The following RORA variants were observed in gnomAD, a reference collection of about 807,000 sequenced individuals.
RORA encodes RAR related orphan receptor A, also known as nuclear receptor ROR-alpha.
In RORA, 7 loss-of-function variants were observed where a neutral mutation model predicts 69.5. The ratio of observed to expected loss-of-function variants is 0.10; its 90% confidence interval spans 0.06 to 0.19. RORA has a LOEUF of 0.19. Among genes scored for constraint, RORA ranks in the 10% least tolerant of loss-of-function variants. The probability of loss-of-function intolerance (pLI) is 1.00; values close to 1 mark genes in which losing one functional copy is unlikely to be tolerated. For synonymous variants in RORA, 261 were observed against 240.8 expected (o/e 1.08, Z -0.78); for missense variants, 457 against 663.0 (o/e 0.69, Z 3.41).
intron 1 of RORA, among the ~76,000 whole-genome samples, chr15:60,810,789 T>C (rs186228070): frequency 5.5e-4 from 84 of 152,150 alleles, no homozygotes; most frequent in African/African-American, 2.0e-3. Flanking sequence ...TCTCACATTA[T>C]ATGCTTTCCT....
At chr15:60,751,115 C>T (rs2071717227) in intron 1 of RORA, among the ~76,000 whole-genome samples, 1 of 152,188 alleles carries the variant, frequency 6.6e-6, no homozygotes, top group Non-Finnish European at 1.5e-5. Flanking sequence ...AGCCCACAGT[C>T]AGAGGCCCTA....
At chr15:61,118,423 A>G (rs2079069489) in intron 1 of RORA, among the ~76,000 whole-genome samples, 1 of 152,220 alleles carries the variant, frequency 6.6e-6, no homozygotes, top group Non-Finnish European at 1.5e-5. Context: ...GTTCTTTTGC[A>G]TCTCTGGTTA....
Position 60,683,647 on chromosome 15 carries a change from T to TACACACACACACACACACAC in RORA, c.167-4981_167-4962dup, listed in dbSNP as rs59854874. Among the ~76,000 whole-genome samples the TACACACACACACACACACAC allele has an allele frequency of 1.7e-3, 260 of 148,724 alleles. 4 individuals carry two copies. The East Asian group carries it at 0.03, about 17-fold the overall frequency. ...TCCTTCTATTTTACCCAGATACACA[T>TACACACACACACACACACAC]ACACACACACACACACACACACACA... is the stretch of plus-strand genomic sequence containing the variant. On this transcript the variant is annotated intron_variant, in intron 1 of 10. Coordinates refer to ENST00000335670, the MANE Select transcript of RORA (RefSeq NM_134261.3).
chr15:61,068,833 C>A (rs1490004995), intron 1 of RORA, among the ~76,000 whole-genome samples: 2 of 152,184 alleles, frequency 1.3e-5, no homozygotes, highest in Non-Finnish European at 2.9e-5. Context: ...AAAACCATTT[C>A]TCCACTCAGT....
rs572695675 is a variant in RORA at position 61,077,358 on chromosome 15, T to C, written c.166+151695A>G. 1.4e-4 allele frequency among the ~76,000 whole-genome samples: 22 copies of C among 152,300 alleles called. 1 individual carries two copies. The South Asian group carries it at 4.1e-3, about 29-fold the overall frequency. On this transcript the variant is annotated intron_variant, in intron 1 of 10. Coordinates refer to ENST00000335670, the MANE Select transcript of RORA (RefSeq NM_134261.3). ...ATGAAGAAGACATGTTTAGGGGAAC[T>C]GAAGAATTGTGGATTCAGTCATTTG...
chr15:61,159,490 G>A (rs2079475550), intron 1 of RORA, among the ~76,000 whole-genome samples: 1 of 152,104 alleles, frequency 6.6e-6, no homozygotes, highest in Non-Finnish European at 1.5e-5. Flanking sequence ...ACAAATACCT[G>A]ATCTGAATTC....
At chr15:60,578,355 G>A (rs549078698) in intron 2 of RORA, among the ~76,000 whole-genome samples, 9 of 152,300 alleles carry the variant, frequency 5.9e-5, no homozygotes, top group African/African-American at 1.9e-4. Context: ...AAGTTTTTAA[G>A]TATTGGGAAG....
At chr15:60,960,462 G>C (rs1323444985) in intron 1 of RORA, among the ~76,000 whole-genome samples, 1 of 152,096 alleles carries the variant, frequency 6.6e-6, no homozygotes, top group Admixed American at 6.5e-5. Flanking sequence ...TGATTAAAAA[G>C]AAAATACCTG....
chr15:61,224,316 G>A (rs879765393), intron 1 of RORA, among the ~76,000 whole-genome samples: 9 of 152,222 alleles, frequency 5.9e-5, no homozygotes, highest in Admixed American at 2.0e-4. Flanking sequence ...TAGGAGAGGT[G>A]CGTTTCCTAT....
intron 1 of RORA, among the ~76,000 whole-genome samples, chr15:60,867,187 C>T (rs1172809119): frequency 6.6e-6 from 1 of 152,068 alleles, no homozygotes; most frequent in Non-Finnish European, 1.5e-5. Context: ...TTAATATAAA[C>T]CAGTAATTTA....
rs1018731535 is a variant in RORA at position 60,576,790 on chromosome 15, T to G, written c.197-44939A>C. ...CGCAGGCCTGCAAGGGCTTTCCATC[T>G]CTACACACAGTGATAAAATTCTCCA... On this transcript the variant is annotated intron_variant, in intron 2 of 10. Coordinates refer to ENST00000335670, the MANE Select transcript of RORA (RefSeq NM_134261.3). 2.0e-5 allele frequency among the ~76,000 whole-genome samples: 3 copies of G among 152,320 alleles called. No individual in the cohort carries two copies. In the South Asian group the frequency reaches 6.2e-4, roughly 32 times the overall value.
intron 1 of RORA, among the ~76,000 whole-genome samples, chr15:61,184,393 A>G (rs2079718837): frequency 6.6e-6 from 1 of 151,682 alleles, no homozygotes; most frequent in African/African-American, 2.4e-5. Flanking sequence ...CTCCCCAGAC[A>G]CCCCTCAATT....
chr15:61,201,048 G>A (rs1371805659), intron 1 of RORA, among the ~76,000 whole-genome samples: 4 of 152,212 alleles, frequency 2.6e-5, no homozygotes, highest in Non-Finnish European at 4.4e-5. Flanking sequence ...AAATTAGGCT[G>A]CACAACAATT....
intron 1 of RORA, among the ~76,000 whole-genome samples, chr15:61,075,865 T>C (rs2078441624): frequency 1.3e-5 from 2 of 152,162 alleles, no homozygotes; most frequent in African/African-American, 4.8e-5. Flanking sequence ...AGGCAAGAAC[T>C]GTCCCATATC....
intron 1 of RORA, among the ~76,000 whole-genome samples, chr15:60,808,957 T>C (rs1019605269): frequency 1.3e-5 from 2 of 152,098 alleles, no homozygotes; most frequent in Non-Finnish European, 2.9e-5. Context: ...CATTCATATG[T>C]GGCAGCTAAG....
intron 1 of RORA, among the ~76,000 whole-genome samples, chr15:61,005,998 C>T (rs1024492258): frequency 5.3e-5 from 8 of 151,974 alleles, no homozygotes; most frequent in Admixed American, 5.2e-4. Context: ...GAGAAGGAGT[C>T]TCGCTCTGTC....
At chr15:61,196,873 G>A (rs925558767) in intron 1 of RORA, among the ~76,000 whole-genome samples, 3 of 152,196 alleles carry the variant, frequency 2.0e-5, no homozygotes, top group Admixed American at 6.5e-5. Context: ...TTTGAGCACC[G>A]TGTTTGGATT....
At chr15:61,081,160 A>G (rs2078533619) in intron 1 of RORA, among the ~76,000 whole-genome samples, 1 of 152,216 alleles carries the variant, frequency 6.6e-6, no homozygotes, top group African/African-American at 2.4e-5. Context: ...GCTGGGAATC[A>G]AAGCATTTAT....
At chr15:60,996,378 C>A (rs1894535289) in intron 1 of RORA, among the ~76,000 whole-genome samples, 2 of 152,122 alleles carry the variant, frequency 1.3e-5, no homozygotes, top group Non-Finnish European at 2.9e-5. Context: ...AGCCCTACAT[C>A]TTGTTTTAAT....
Sources: gnomAD v4.1 joint callset for allele counts (sites outside exome capture counted in the v4.1 genomes callset) on GRCh38, gnomAD v4.1.1 for gene constraint, MANE v1.5 for transcripts, NCBI Gene and HGNC (gene_info 2026-07-23, HGNC 2026-07-21) for gene names.